Variants in NWD1 observed in about 807,000 individuals in gnomAD.
NWD1 encodes NACHT and WD repeat domain containing 1, also known as NACHT domain- and WD repeat-containing protein 1.
Under a neutral mutation model 135.1 loss-of-function variants are expected in NWD1, and 129 were observed. The ratio of observed to expected loss-of-function variants is 0.96; its 90% CI spans 0.83 to 1.11. The LOEUF is 1.11. NWD1 is among the 50% of genes least tolerant of loss of function. The pLI is 0.00. For missense variants in NWD1, 1,740 were observed against 1,851.3 expected, an observed-to-expected ratio of 0.94 and a Z score of 1.10; for synonymous variants, 773 against 786.0, an observed-to-expected ratio of 0.98 and a Z score of 0.28.
At chr19:16,761,869 G>C (rs569328621) in intron 7 of NWD1, 110 bp from the exon 8 acceptor site, 1 of 791,562 alleles carries the variant, frequency 1.3e-6, no homozygotes, top group East Asian at 2.6e-5. Flanking sequence ...GTGGTCAACA[G>C]AGTGGTTTAG....
Position 16,807,599 on chromosome 19 carries a change from T to C in NWD1, c.3750T>C (p.Asp1250=). The change falls in exon 18 of 19, where the codon GAT becomes GAC. Residue 1250 remains aspartate (D), a synonymous_variant. Coordinates refer to ENST00000524140, the MANE Select transcript of NWD1 (RefSeq NM_001007525.5). ...IWDLAEGEEQ[D]SLDTSSEIRC... ...CTTCCCTGGCAGGCGAGGAACAAGA[T>C]TCCCTGGACACCTCCAGTGAGATCA... The C allele has an allele frequency of 6.6e-7, 1 of 1,523,356 alleles. No individual in the cohort carries two copies. The highest frequency in any genetic ancestry group is 1.3e-5 in the South Asian group (1 of 77,082). 94.4% of individuals were successfully genotyped at this position (1,523,356 alleles called of 1,614,324 possible).
At chr19:16,787,907 C>A (rs11291157) in intron 12 of NWD1, among the ~76,000 whole-genome samples, 6,687 of 89,614 alleles carry the variant, frequency 0.075, 161 homozygotes, top group African/African-American at 0.089. Context: ...TAATAATAAT[C>A]ATCATCATCA....
Position 16,787,436 on chromosome 19 carries a change from C to A in NWD1, c.2732-1546C>A, listed in dbSNP as rs553991949. 1.8e-4 allele frequency among the ~76,000 whole-genome samples: 28 copies of A among 152,300 alleles called. 1 individual carries two copies. Among genetic ancestry groups the A allele is most frequent in the African/African-American group, 6.7e-4 (28 of 41,566 alleles). ...ACTCAATTATCTGTTTAGTATTCAACATCTGGGGCAACTGATTGACTCCCA... is the reference window on the plus strand; with the variant it reads ...ACTCAATTATCTGTTTAGTATTCAAAATCTGGGGCAACTGATTGACTCCCA... On this transcript the variant is annotated intron_variant, in intron 12 of 18. Coordinates refer to ENST00000524140, the MANE Select transcript of NWD1 (RefSeq NM_001007525.5).
At chr19:16,791,730 G>C (rs763709491) in intron 14 of NWD1, 108 bp downstream of exon 14, 15 of 1,203,048 alleles carry the variant, frequency 1.2e-5, no homozygotes, top group Non-Finnish European at 1.8e-5. Flanking sequence ...GTTTTGTTTT[G>C]GAGATGAAGT....
rs776180574 is a variant in NWD1, at chr19:16,749,795, C to A, written c.1153C>A (p.Leu385Met). Reference sequence around the variant, plus strand: ...ACAAATGAGCTCAGATGCCCGTGGCCTGCTGAAGAGCATCTGCTTCCAGGT... The same window carrying A: ...ACAAATGAGCTCAGATGCCCGTGGCATGCTGAAGAGCATCTGCTTCCAGGT... ...TSQMSSDARG[L>M]LKSICFQVCL... The change falls in exon 6 of 19, where the codon CTG (leucine) becomes ATG (methionine). Residue 385 changes from leucine to methionine, a missense_variant. Transcript: ENST00000524140. 4.3e-5 allele frequency: 69 copies of A among 1,606,056 alleles called. No homozygotes were observed. The highest frequency in any genetic ancestry group is 5.5e-5 in the Non-Finnish European group (65 of 1,175,652).
At chr19:16,732,943 C>T (rs767092579) in intron 3 of NWD1, among the ~76,000 whole-genome samples, 22 of 152,144 alleles carry the variant, frequency 1.4e-4, no homozygotes, top group Non-Finnish European at 2.4e-4. Context: ...AAGATGAGGC[C>T]GGGCACAGTG....
chr19:16,744,942 C>A, intron 5 of NWD1: 1 of 649,882 alleles, frequency 1.5e-6, no homozygotes, highest in Admixed American at 2.2e-5. Flanking sequence ...TCCTCGCTGG[C>A]TCTTTCTTCT....
At chr19:16,750,958 ACAC>A (rs1968553755) in intron 6 of NWD1, among the ~76,000 whole-genome samples, 1 of 152,200 alleles carries the variant, frequency 6.6e-6, no homozygotes, top group Non-Finnish European at 1.5e-5. Context: ...GTGGTGGCTC[ACAC>A]CTGTAATTCC....
intron 7 of NWD1, among the ~76,000 whole-genome samples, chr19:16,760,896 T>C (rs7258021): frequency 0.044 from 6,751 of 152,226 alleles, 490 homozygotes; most frequent in African/African-American, 0.15. Context: ...AGTCAGAATT[T>C]TAAAGTTGAC....
At chr19:16,783,366 G>A (rs956850986) in intron 12 of NWD1, among the ~76,000 whole-genome samples, 1 of 152,096 alleles carries the variant, frequency 6.6e-6, no homozygotes, top group Non-Finnish European at 1.5e-5. Context: ...GGGGAACGGT[G>A]GCTCATGCCT....
intron 4 of NWD1, among the ~76,000 whole-genome samples, chr19:16,739,402 C>T (rs190618554): frequency 1.7e-4 from 25 of 151,108 alleles, no homozygotes; most frequent in Admixed American, 1.5e-3. Flanking sequence ...CAAAGAACTC[C>T]AGGAGGAATC....
At chr19:16,750,439 T>C in intron 6 of NWD1, 28 bp downstream of exon 6, 1 of 1,452,798 alleles carries the variant, frequency 6.9e-7, no homozygotes, top group Middle Eastern at 2.4e-4. Flanking sequence ...GAAACTCTTA[T>C]TTATTTATTT....
intron 16 of NWD1, among the ~76,000 whole-genome samples, chr19:16,798,664 G>A (rs550899050): frequency 9.2e-5 from 14 of 152,206 alleles, no homozygotes; most frequent in East Asian, 3.9e-4. Context: ...TCACTCAGTC[G>A]CCCAGGCTGG....
At chr19:16,807,170 CAAAA>C (rs111687474) in intron 17 of NWD1, among the ~76,000 whole-genome samples, 2 of 99,828 alleles carry the variant, frequency 2.0e-5, no homozygotes, top group Admixed American at 1.1e-4. Flanking sequence ...AATACTGTCT[CAAAA>C]AAAAAAAAAA....
In NWD1 at chr19:16,744,459, C is replaced by T; in HGVS notation, c.237C>T (p.Pro79=). ...IGDQYGPCLI[P]SRIDEKEWEV... ...ATCAGTACGGCCCCTGTCTGATTCC[C>T]TCGCGGATCGATGAGAAGGAGTGGG... The change falls in exon 5 of 19, where the codon CCC becomes CCT. Residue 79 remains proline (P), a synonymous_variant. Coordinates refer to ENST00000524140, the MANE Select transcript of NWD1 (RefSeq NM_001007525.5). 6.5e-7 allele frequency: 1 copy of T among 1,535,732 alleles called. No homozygotes were observed. The highest frequency in any genetic ancestry group is 8.7e-7 in the Non-Finnish European group (1 of 1,146,626).
In NWD1 at chr19:16,750,301, C is replaced by T. The variant is rs1296836247; in HGVS notation, c.1659C>T (p.Val553=). ...AATGGGCCTCTTTCACCGTGCCTGT[C>T]CCGCTGGCCACCACCGCAGAGGAAG... ...ARKWASFTVP[V]PLATTAEEAT... The change falls in exon 6 of 19, where the codon GTC becomes GTT. Residue 553 remains valine, a synonymous_variant. Transcript: ENST00000524140. 20 of 1,613,466 alleles carry T rather than the reference C, an allele frequency of 1.2e-5. No homozygotes were observed. The highest frequency in any genetic ancestry group is 1.7e-5 in the Non-Finnish European group (20 of 1,179,950).
intron 4 of NWD1, among the ~76,000 whole-genome samples, chr19:16,737,964 C>CAAAAAGAAAAGAAAAGAAAAGAAAA (rs147713373): frequency 8.0e-6 from 1 of 124,540 alleles, no homozygotes; most frequent in African/African-American, 3.3e-5. Flanking sequence ...GACTCTATCT[C>CAAAAAGAAAAGAAAAGAAAAGAAAA]GAAAAGAAAA....
intron 8 of NWD1, 108 bp downstream of exon 8, chr19:16,762,246 TCTC>T: frequency 2.1e-6 from 2 of 965,548 alleles, no homozygotes; most frequent in Non-Finnish European, 3.1e-6. Context: ...CCGACCTACT[TCTC>T]CTTTCCGCAC....
chr19:16,789,230 C>A, intron 13 of NWD1, 40 bp downstream of exon 13: 1 of 1,514,718 alleles, frequency 6.6e-7, no homozygotes, highest in Non-Finnish European at 9.1e-7. Flanking sequence ...AAAGCTGAGA[C>A]CAGAGCATTC....
Sources: gnomAD v4.1 joint callset for allele counts (sites outside exome capture counted in the v4.1 genomes callset) on GRCh38, gnomAD v4.1.1 for gene constraint, MANE v1.5 for transcripts, NCBI Gene and HGNC (gene_info 2026-07-23, HGNC 2026-07-21) for gene names.